USB1: variants seen among roughly 807,000 people sequenced by gnomAD.
USB1 encodes U6 snRNA phosphodiesterase 1.
USB1 carries 21 observed loss-of-function variants against 29.9 expected under a neutral mutation model. The observed-to-expected ratio is 0.70, with a 90% confidence interval of 0.50 to 1.01. The LOEUF is 1.01. Ranked by LOEUF, USB1 falls within the 50% of genes least tolerant of loss-of-function variation. The probability of loss-of-function intolerance (pLI) is 0.00; values close to 1 mark genes in which losing one functional copy is unlikely to be tolerated. For missense variants in USB1, 330 were observed against 347.1 expected (o/e 0.95, Z 0.39); for synonymous variants, 143 against 134.9 (o/e 1.06, Z -0.42).
At chr16:58,007,934 G>C (rs181679886) in intron 2 of USB1, among the ~76,000 whole-genome samples, 2 of 152,106 alleles carry the variant, frequency 1.3e-5, no homozygotes, top group African/African-American at 4.8e-5. Context: ...AGTGAACCAA[G>C]ATTGCACCAC....
At position 58,013,405 on chromosome 16, in the gene USB1, C is replaced by T; in HGVS notation, c.450-868C>T. 1.0e-6 allele frequency: 1 copy of T among 985,412 alleles called. No individual in the cohort carries two copies. Among genetic ancestry groups the T allele is most frequent in the Non-Finnish European group, 1.2e-6 (1 of 829,956 alleles). The allele number at this position is 985,412 out of a possible 1,614,324, so 61.0% of individuals were successfully genotyped here. A position where few individuals can be genotyped will look rare whatever the true frequency, so the allele number is the denominator to read the frequency against. ...TTGCCCTTGGGCAGATTGTGAGGCTCTACCCAGCATGCTGGTATATTATGT... is the reference window on the plus strand; with the variant it reads ...TTGCCCTTGGGCAGATTGTGAGGCTTTACCCAGCATGCTGGTATATTATGT... On this transcript the variant is annotated intron_variant, in intron 3 of 6. Coordinates refer to ENST00000219281, the MANE Select transcript of USB1 (RefSeq NM_024598.4). This position sits in a 1 kb window ranked among gnomAD's most constrained non-coding sequence, Gnocchi z 4.3.
At chr16:58,009,178 G>A (rs1963431372) in intron 2 of USB1, among the ~76,000 whole-genome samples, 1 of 152,196 alleles carries the variant, frequency 6.6e-6, no homozygotes, top group African/African-American at 2.4e-5. Context: ...ATGTGGTGGT[G>A]AGGTGGTGGG....
Position 58,020,146 on chromosome 16 carries a change from C to T in USB1, c.699C>T (p.Ile233=), listed in dbSNP as rs774669193. Residue 233 remains isoleucine (I), a synonymous_variant, in exon 7 of 7, where the codon ATC becomes ATT. Coordinates refer to ENST00000219281, the MANE Select transcript of USB1 (RefSeq NM_024598.4). ...CCCCTGGCTGCTGTTTTAAGGCAAT[C>T]GTGGATGGGTTTGAAGATGCTGAGG... is the stretch of plus-strand genomic sequence containing the variant. ...EGQCLQELQA[I]VDGFEDAEVL... 21 of 1,614,130 alleles carry T rather than the reference C, an allele frequency of 1.3e-5. No individual in the cohort carries two copies. The highest frequency in any genetic ancestry group is 3.3e-5 in the Admixed American group (2 of 60,018).
chr16:58,007,723 T>C (rs12933050), intron 2 of USB1, among the ~76,000 whole-genome samples: 118,832 of 151,872 alleles, frequency 0.78, 47,025 homozygotes, highest in African/African-American at 0.86. Flanking sequence ...TGCAGTGGCT[T>C]ACGCCTATCA....
chr16:58,001,341 C>G, upstream of USB1: 1 of 934,150 alleles, frequency 1.1e-6, no homozygotes, highest in Non-Finnish European at 1.7e-6. Context: ...CACTGTCCTG[C>G]CGGGTTCCGC....
chr16:58,013,460 T>C lies in USB1; in HGVS notation c.450-813T>C. On this transcript the variant is annotated intron_variant, in intron 3 of 6. Transcript: ENST00000219281. This position sits in a 1 kb window ranked among gnomAD's most constrained non-coding sequence, Gnocchi z 4.3. Reference sequence around the variant, plus strand: ...TCAGATGGGGGTGAGACCCTTGGCCTGGGGGCTGTAAAATGATCTGTTTCT... The same window carrying C: ...TCAGATGGGGGTGAGACCCTTGGCCCGGGGGCTGTAAAATGATCTGTTTCT... 2 of 985,572 alleles carry C rather than the reference T, an allele frequency of 2.0e-6. No individual in the cohort carries two copies. Among genetic ancestry groups the C allele is most frequent in the Non-Finnish European group, 2.4e-6 (2 of 830,078 alleles). 61.1% of individuals were successfully genotyped at this position (985,572 alleles called of 1,614,324 possible).
chr16:58,010,303 C>G, intron 3 of USB1, 191 bp downstream of exon 3: 1 of 652,504 alleles, frequency 1.5e-6, no homozygotes, highest in South Asian at 1.9e-5. Context: ...CTTGACACCC[C>G]TGATGCCGTA....
intron 3 of USB1, chr16:58,010,668 G>A (rs1180042189): frequency 7.3e-6 from 2 of 275,580 alleles, no homozygotes; most frequent in Non-Finnish European, 1.4e-5. Flanking sequence ...CAGAATTCAG[G>A]CAAACAGTCC....
intron 2 of USB1, among the ~76,000 whole-genome samples, chr16:58,003,030 C>T (rs1404620779): frequency 6.6e-6 from 1 of 152,110 alleles, no homozygotes; most frequent in Admixed American, 6.5e-5. Flanking sequence ...ACAAAAAATG[C>T]CCAGGCTTCA....
In USB1 at chr16:58,002,541, C is replaced by T. The variant is rs1345800871; in HGVS notation, c.161C>T (p.Pro54Leu). The T allele has an allele frequency of 1.1e-5, 18 of 1,613,964 alleles. No individual in the cohort carries two copies. The Admixed American group carries it at 1.5e-4, about 13-fold the overall frequency. The change falls in exon 2 of 7, where the codon CCG becomes CTG. Residue 54 changes from proline (P) to leucine (L), a missense_variant. Pro to Leu is a moderately conservative substitution (Grantham distance 98). Transcript: ENST00000219281. Reference protein sequence around the residue: ...PVPDSVLNMFPGTEEGPEDDS... With the variant: ...PVPDSVLNMFLGTEEGPEDDS... ...CCTGACAGTGTGCTGAACATGTTCC[C>T]GGGCACCGAGGAGGGGCCTGAAGAT...
At position 58,001,576 on chromosome 16, in the gene USB1, C is replaced by T. The variant is rs1181190695; in HGVS notation, c.93C>T (p.His31=). The T allele has an allele frequency of 1.2e-6, 2 of 1,606,024 alleles. No individual in the cohort carries two copies. Among genetic ancestry groups the T allele is most frequent in the Non-Finnish European group, 1.7e-6 (2 of 1,176,834 alleles). The part of the protein sequence containing the change: ...GMRTRPGDGS[H]RRGQSPLPRQ... ...GGACCAGGCCGGGGGATGGGAGCCA[C>T]CGTCGGTGAGGAGTGAGGAAGTCTC... Residue 31 remains histidine, a synonymous_variant, in exon 1 of 7, where the codon CAC becomes CAT. Coordinates refer to ENST00000219281, the MANE Select transcript of USB1 (RefSeq NM_024598.4).
chr16:58,006,529 C>T (rs1375308013), intron 2 of USB1, among the ~76,000 whole-genome samples: 1 of 152,084 alleles, frequency 6.6e-6, no homozygotes, highest in Admixed American at 6.6e-5. Flanking sequence ...CATGGTGGCA[C>T]ATGCCTGTAA....
Position 58,002,490 on chromosome 16 carries a change from C to G in USB1, c.110C>G (p.Pro37Arg), listed in dbSNP as rs1472342423. ...TTTTTCTTTTGCAGTGGCCAGAGCC[C>G]CCTTCCCAGGCAGAGATTTCCAGTA... is the stretch of plus-strand genomic sequence containing the variant. ...GDGSHRRGQS[P>R]LPRQRFPVPD... The change falls in exon 2 of 7, where the codon CCC (proline) becomes CGC (arginine). Residue 37 changes from proline (P) to arginine (R), a missense_variant. By Grantham distance (103) the Pro-to-Arg change is moderately radical (BLOSUM62 -2). Coordinates refer to ENST00000219281, the MANE Select transcript of USB1 (RefSeq NM_024598.4). 9 of 1,613,966 alleles carry G rather than the reference C, an allele frequency of 5.6e-6. No homozygotes were observed. The highest frequency in any genetic ancestry group is 7.6e-6 in the Non-Finnish European group (9 of 1,180,036).
At chr16:58,000,928 G>A (rs1963168769), upstream of USB1, among the ~76,000 whole-genome samples, 1 of 152,164 alleles carries the variant, frequency 6.6e-6, no homozygotes. This position sits in a 1 kb window ranked among gnomAD's most constrained non-coding sequence, Gnocchi z 4.5. Flanking sequence ...AGGGGGCTCC[G>A]GGTGACCGCC....
At chr16:58,008,515 G>T (rs550879850) in intron 2 of USB1, among the ~76,000 whole-genome samples, 2 of 146,728 alleles carry the variant, frequency 1.4e-5, no homozygotes, top group Non-Finnish European at 3.0e-5. Flanking sequence ...GTACAGTGGC[G>T]CAATCTCAGC....
rs969674562 is a variant in USB1, at chr16:58,012,416, G to A, written c.450-1857G>A. 353 of 1,358,106 alleles carry A rather than the reference G, an allele frequency of 2.6e-4. 6 individuals are homozygous for A. In the Admixed American group the frequency reaches 6.8e-3, roughly 26 times the overall value. 84.1% of individuals were successfully genotyped at this position (1,358,106 alleles called of 1,614,324 possible). The stretch of plus-strand genomic sequence containing the variant: ...AACTAAAAGATTCAGAGGTAGCACT[G>A]GCTCATGCATGAGTGGACCGGGGTG... On this transcript the variant is annotated intron_variant, in intron 3 of 6. Transcript: ENST00000219281.
At chr16:58,002,211 C>G (rs1963231671) in intron 1 of USB1, among the ~76,000 whole-genome samples, 1 of 152,214 alleles carries the variant, frequency 6.6e-6, no homozygotes, top group African/African-American at 2.4e-5. Context: ...ACTCCAGCTG[C>G]AGCCTGTCCA....
chr16:58,011,908 T>G, intron 3 of USB1: 1 of 1,009,464 alleles, frequency 9.9e-7, no homozygotes, highest in Non-Finnish European at 1.2e-6. Flanking sequence ...AGAATATCTT[T>G]CTGGATCCTC....
At chr16:58,007,919 A>G (rs140230834) in intron 2 of USB1, among the ~76,000 whole-genome samples, 1,565 of 152,152 alleles carry the variant, frequency 0.01, 36 homozygotes, top group African/African-American at 0.036. Flanking sequence ...GGAGGCGGAG[A>G]TTGCAGTGAA....
Sources: allele counts gnomAD v4.1 joint callset (sites outside exome capture counted in the v4.1 genomes callset), GRCh38; gene constraint gnomAD v4.1.1; non-coding constraint Gnocchi (gnomAD v3.1); transcripts MANE v1.5; gene names NCBI Gene and HGNC (gene_info 2026-07-23, HGNC 2026-07-21).